Variants in CTCF observed in about 807,000 individuals in gnomAD.
CTCF encodes transcriptional repressor CTCF.
In CTCF, 7 loss-of-function variants were observed where a neutral mutation model predicts 72.3. That is an observed-to-expected ratio of 0.10 (90% confidence interval 0.06 to 0.18). The LOEUF (loss-of-function observed/expected upper bound fraction) is 0.18. CTCF is among the 10% of genes least tolerant of loss of function. The pLI, the probability that CTCF is intolerant of heterozygous loss-of-function variation, is 1.00. For synonymous variants in CTCF, 374 were observed against 315.8 expected (o/e 1.18, Z -1.95); for missense variants, 516 against 949.1 (o/e 0.54, Z 6.00).
intron 1 of CTCF, among the ~76,000 whole-genome samples, chr16:67,565,590 T>G (rs978174464): frequency 1.4e-5 from 2 of 147,320 alleles, no homozygotes; most frequent in African/African-American, 5.1e-5. Context: ...GGAGAACCGC[T>G]CGAACCTAGA....
chr16:67,568,408 A>G (rs2142707066), intron 1 of CTCF: 1 of 150,774 alleles, frequency 6.6e-6, no homozygotes, highest in East Asian at 2.0e-4. Context: ...TTCTTCCCTG[A>G]GACGAAGTCT....
At chr16:67,586,398 A>G (rs1329170684) in intron 2 of CTCF, among the ~76,000 whole-genome samples, 2 of 152,118 alleles carry the variant, frequency 1.3e-5, no homozygotes, top group East Asian at 1.9e-4. Flanking sequence ...TTAGCTGGGC[A>G]TGGTGGCAGG....
chr16:67,595,745 G>A (rs769428499), intron 2 of CTCF, among the ~76,000 whole-genome samples: 1 of 152,024 alleles, frequency 6.6e-6, no homozygotes, highest in Non-Finnish European at 1.5e-5. Flanking sequence ...TGGGATGCAC[G>A]TCTCTGACTC....
At chr16:67,606,334 G>T (rs78985530) in intron 2 of CTCF, among the ~76,000 whole-genome samples, 1 of 152,156 alleles carries the variant, frequency 6.6e-6, no homozygotes, top group Non-Finnish European at 1.5e-5. Flanking sequence ...TCAGGGTTCC[G>T]TTCAAATTCC....
chr16:67,590,562 C>T (rs1047653608), intron 2 of CTCF, among the ~76,000 whole-genome samples: 1 of 151,898 alleles, frequency 6.6e-6, no homozygotes, highest in African/African-American at 2.4e-5. Context: ...TGGTCTCGAT[C>T]TCCTGACCTT....
chr16:67,629,732 C>A (rs552915490), intron 10 of CTCF, among the ~76,000 whole-genome samples, 199 bp downstream of exon 10: 2 of 120,766 alleles, frequency 1.7e-5, no homozygotes, highest in African/African-American at 3.1e-5. Context: ...CGTGGCATTC[C>A]GCTCATTAAT....
At chr16:67,629,652 A>G (rs963925868) in intron 10 of CTCF, 119 bp downstream of exon 10, 8 of 930,176 alleles carry the variant, frequency 8.6e-6, no homozygotes, top group East Asian at 5.8e-5. Flanking sequence ...CTTTCTTTAA[A>G]CTTCTCATCT....
intron 2 of CTCF, among the ~76,000 whole-genome samples, chr16:67,579,127 C>T (rs1481961794): frequency 2.6e-5 from 4 of 151,246 alleles, no homozygotes; most frequent in East Asian, 2.0e-4. Flanking sequence ...TGGTGGCACA[C>T]GCCTGTAATC....
intron 2 of CTCF, among the ~76,000 whole-genome samples, chr16:67,573,265 A>C (rs2051449312): frequency 1.3e-5 from 2 of 149,810 alleles, no homozygotes; most frequent in South Asian, 2.1e-4. Context: ...AACAAAAAAA[A>C]CCCCAAGAAG....
At chr16:67,630,680 G>A (rs767792682) in intron 10 of CTCF, among the ~76,000 whole-genome samples, 13 of 152,018 alleles carry the variant, frequency 8.6e-5, no homozygotes, top group South Asian at 2.1e-4. Flanking sequence ...ACCTGAGCCC[G>A]GGAAATTGAG....
intron 2 of CTCF, among the ~76,000 whole-genome samples, chr16:67,601,270 T>A (rs567678196): frequency 6.9e-6 from 1 of 145,302 alleles, no homozygotes; most frequent in South Asian, 2.2e-4. Context: ...TTTTGTTTTT[T>A]AAGACAGAGT....
intron 2 of CTCF, among the ~76,000 whole-genome samples, chr16:67,595,611 T>C (rs1388906849): frequency 6.6e-6 from 1 of 152,174 alleles, no homozygotes; most frequent in Non-Finnish European, 1.5e-5. Flanking sequence ...ATGTATTGTT[T>C]CATTGGGTTT....
chr16:67,607,394 C>T (rs766478579), intron 2 of CTCF, among the ~76,000 whole-genome samples: 1 of 152,116 alleles, frequency 6.6e-6, no homozygotes, highest in South Asian at 2.1e-4. Flanking sequence ...CAACCTCCAC[C>T]TCCAGGGTTC....
chr16:67,628,237 C>G, intron 8 of CTCF, 133 bp from the exon 9 acceptor site: 1 of 722,830 alleles, frequency 1.4e-6, no homozygotes, highest in Non-Finnish European at 2.3e-6. Flanking sequence ...ATAGCTTTAT[C>G]ATCTCAACAA....
intron 2 of CTCF, among the ~76,000 whole-genome samples, chr16:67,587,129 CAG>C (rs1394074382): frequency 1.7e-5 from 2 of 116,916 alleles, no homozygotes; most frequent in Admixed American, 2.1e-4. Flanking sequence ...TTTTTGGAGA[CAG>C]GGTCTCGCTC....
rs933470800 is a variant in CTCF, at chr16:67,611,271, C to T, written c.439C>T (p.Leu147Phe). Residue 147 changes from leucine (L) to phenylalanine (F), a missense_variant, in exon 3 of 12, where the codon CTT becomes TTT. Around this residue, in one of 7 missense-constraint regions of CTCF, gnomAD observed 148 missense variants for 194.9 expected, o/e 0.76. Transcript: ENST00000264010. ...TGAAAATGAAGTGTCTAAAGAGGGC[C>T]TTGCGGAAAGTGAACCCATGATATG... ...AYENEVSKEG[L>F]AESEPMICHT... The T allele has an allele frequency of 2.5e-6, 4 of 1,613,982 alleles. No homozygotes were observed. Among genetic ancestry groups the T allele is most frequent in the African/African-American group, 2.7e-5 (2 of 74,884 alleles).
chr16:67,610,801 A>G lies in CTCF; in HGVS notation c.-9-23A>G, dbSNP rs149876992. ...TAGACATGCTTTGCTTTAAATAACAATCTGTGTTCTCCCTTAATAAAGGCA... is the reference window on the plus strand; with the variant it reads ...TAGACATGCTTTGCTTTAAATAACAGTCTGTGTTCTCCCTTAATAAAGGCA... On this transcript the variant is annotated intron_variant, in intron 2 of 11. Transcript: ENST00000264010. 4.5e-4 allele frequency: 637 copies of G among 1,410,844 alleles called. 4 individuals are homozygous for G. In the African/African-American group the frequency reaches 7.8e-3, roughly 17 times the overall value. The allele number at this position is 1,410,844 out of a possible 1,614,324, so 87.4% of individuals were successfully genotyped here.
chr16:67,606,854 C>T (rs1012590774), intron 2 of CTCF, among the ~76,000 whole-genome samples: 8 of 151,540 alleles, frequency 5.3e-5, no homozygotes, highest in Non-Finnish European at 1.2e-4. Flanking sequence ...TCTCCGCCTC[C>T]AGGCTTCAAG....
At chr16:67,605,842 G>A (rs2051966627) in intron 2 of CTCF, among the ~76,000 whole-genome samples, 1 of 152,172 alleles carries the variant, frequency 6.6e-6, no homozygotes, top group African/African-American at 2.4e-5. Context: ...ATGACAGTAG[G>A]AACTGTGTCT....
Sources: gnomAD v4.1 joint callset for allele counts (sites outside exome capture counted in the v4.1 genomes callset) on GRCh38, gnomAD v4.1.1 for gene constraint, gnomAD v4.1.1 regional missense constraint, MANE v1.5 for transcripts, NCBI Gene and HGNC (gene_info 2026-07-23, HGNC 2026-07-21) for gene names.